The following AKT3 variants were observed in gnomAD, a reference collection of about 807,000 sequenced individuals.
AKT3 encodes the protein AKT serine/threonine kinase 3, also known as RAC-gamma serine/threonine-protein kinase.
In AKT3, 15 loss-of-function variants were observed where a neutral mutation model predicts 65.3. The ratio of observed to expected loss-of-function variants is 0.23; its 90% CI spans 0.15 to 0.35. AKT3 has a LOEUF of 0.35. AKT3 is among the 10% of genes least tolerant of loss of function. The pLI is 1.00. For synonymous variants in AKT3, 206 were observed against 183.8 expected (o/e 1.12, Z -0.98); for missense variants, 243 against 576.5 (o/e 0.42, Z 5.92).
intron 8 of AKT3, among the ~76,000 whole-genome samples, chr1:243,584,443 G>A (rs539159495): frequency 6.6e-6 from 1 of 152,036 alleles, no homozygotes; most frequent in African/African-American, 2.4e-5. Context: ...ATTTTACAAA[G>A]CCAGTAACAT....
At chr1:243,796,207 A>C (rs1272421956) in intron 2 of AKT3, among the ~76,000 whole-genome samples, 1 of 152,180 alleles carries the variant, frequency 6.6e-6, no homozygotes, top group African/African-American at 2.4e-5. Flanking sequence ...CCAGTCTCTG[A>C]TTTCTTTCTT....
chr1:243,698,338 TACAAA>T (rs1685188844), intron 2 of AKT3, among the ~76,000 whole-genome samples: 1 of 151,948 alleles, frequency 6.6e-6, no homozygotes, highest in South Asian at 2.1e-4. Flanking sequence ...ATTTGAAAAA[TACAAA>T]AGAAAACACG....
intron 3 of AKT3, among the ~76,000 whole-genome samples, chr1:243,671,345 G>A (rs371298523): frequency 1.3e-5 from 2 of 152,154 alleles, no homozygotes; most frequent in East Asian, 1.9e-4. Flanking sequence ...CTCCCAAAGC[G>A]CTGGGATTAC....
chr1:243,619,091 T>C (rs992853504), intron 6 of AKT3, among the ~76,000 whole-genome samples: 13 of 152,060 alleles, frequency 8.5e-5, no homozygotes, highest in Non-Finnish European at 1.9e-4. Context: ...TGACCACAAG[T>C]CTAGTTGAAA....
chr1:243,815,586 A>C (rs1357798991), intron 2 of AKT3, among the ~76,000 whole-genome samples: 2 of 151,836 alleles, frequency 1.3e-5, no homozygotes, highest in African/African-American at 4.8e-5. Flanking sequence ...ACAACAAAAC[A>C]AAACCACTCT....
chr1:243,724,323 A>G (rs1015896445), intron 2 of AKT3, among the ~76,000 whole-genome samples: 3 of 152,094 alleles, frequency 2.0e-5, no homozygotes, highest in Non-Finnish European at 4.4e-5. Flanking sequence ...TCTACTTTAC[A>G]TACTAACTAG....
chr1:243,720,763 CTT>C (rs1362199509), intron 2 of AKT3, among the ~76,000 whole-genome samples: 1 of 152,170 alleles, frequency 6.6e-6, no homozygotes, highest in Non-Finnish European at 1.5e-5. Context: ...GCAATAATCT[CTT>C]GTCCTTTTCC....
At position 243,850,082 on chromosome 1, in the gene AKT3, G is replaced by A. The variant is rs1695703030; in HGVS notation, c.-155C>T. 1.2e-6 allele frequency: 1 copy of A among 837,742 alleles called. No individual in the cohort carries two copies. 51.9% of individuals were successfully genotyped at this position (837,742 alleles called of 1,614,324 possible). A position where few individuals can be genotyped will look rare whatever the true frequency, so the allele number is the denominator to read the frequency against. On this transcript the variant is annotated 5_prime_UTR_variant, in exon 1 of 14. Transcript: ENST00000673466. ...GCGGTGGCGGCCCCGCAGCTGCTCG[G>A]GCGGCGGCGGAGGATGGAGCCGGGG... is the stretch of plus-strand genomic sequence containing the variant.
intron 6 of AKT3, among the ~76,000 whole-genome samples, chr1:243,632,099 A>C (rs1245458678): frequency 1.3e-5 from 2 of 152,206 alleles, no homozygotes; most frequent in African/African-American, 4.8e-5. Flanking sequence ...AATGTTTTTC[A>C]AGGCATCTAG....
At chr1:243,515,617 A>T (rs1389329485) in intron 12 of AKT3, among the ~76,000 whole-genome samples, 1 of 152,178 alleles carries the variant, frequency 6.6e-6, no homozygotes, top group African/African-American at 2.4e-5. Context: ...ATCTATTGTT[A>T]GATTTGATTT....
chr1:243,527,919 A>AC, intron 12 of AKT3, among the ~76,000 whole-genome samples: 1 of 99,304 alleles, frequency 1.0e-5, no homozygotes, highest in South Asian at 3.6e-4. Flanking sequence ...ACACACACAC[A>AC]CACACACACA....
rs536036496 is a variant in AKT3, at chr1:243,843,236, G to T, written c.-66C>A. The T allele has an allele frequency of 8.9e-6, 14 of 1,570,666 alleles. No individual in the cohort carries two copies. In the African/African-American group the frequency reaches 1.6e-4, roughly 18 times the overall value. On this transcript the variant is annotated 5_prime_UTR_variant, in exon 2 of 14. Transcript: ENST00000673466. ...TTTGTGATATCAGCTTTAGGGTTTG[G>T]ATTCTCTGCTGCTGCTGCCCTTCCC...
intron 1 of AKT3, among the ~76,000 whole-genome samples, chr1:243,845,588 C>CAAAAAAAAAAAAAAAAAAAAAAAAAAA (rs10648820): frequency 1.3e-5 from 1 of 79,370 alleles, no homozygotes; most frequent in African/African-American, 5.1e-5. Flanking sequence ...GAACCTGTCT[C>CAAAAAAAAAAAAAAAAAAAAAAAAAAA]AAAAAAAAAA....
downstream of AKT3, among the ~76,000 whole-genome samples, chr1:243,497,464 A>G (rs1473065226): frequency 6.6e-6 from 1 of 152,050 alleles, no homozygotes; most frequent in African/African-American, 2.4e-5. Flanking sequence ...GATCTGCCGC[A>G]GGAAGGAATC....
intron 2 of AKT3, among the ~76,000 whole-genome samples, chr1:243,744,922 G>A (rs1445051848): frequency 1.3e-5 from 2 of 151,404 alleles, no homozygotes; most frequent in Non-Finnish European, 2.9e-5. Flanking sequence ...ATGAGTCCTT[G>A]GCTCATTAAA....
chr1:243,743,686 T>C (rs1688303944), intron 2 of AKT3, among the ~76,000 whole-genome samples: 1 of 151,990 alleles, frequency 6.6e-6, no homozygotes, highest in Non-Finnish European at 1.5e-5. Context: ...TGAAAAAGAG[T>C]TCTACTTCAT....
chr1:243,782,312 G>C (rs1474080748), intron 2 of AKT3, among the ~76,000 whole-genome samples: 2 of 152,198 alleles, frequency 1.3e-5, no homozygotes, highest in South Asian at 4.1e-4. Context: ...AAAGTAGGGA[G>C]CTTATAAACA....
intron 12 of AKT3, among the ~76,000 whole-genome samples, chr1:243,535,972 T>C (rs942326486): frequency 1.3e-5 from 2 of 152,180 alleles, no homozygotes; most frequent in East Asian, 1.9e-4. Context: ...TCCTGATGAT[T>C]TGTGATGTTG....
intron 2 of AKT3, among the ~76,000 whole-genome samples, chr1:243,706,207 T>C (rs925950627): frequency 2.0e-5 from 3 of 152,094 alleles, no homozygotes; most frequent in African/African-American, 7.2e-5. Flanking sequence ...CTACCACCAT[T>C]TGAAATAAAG....
Sources: gnomAD v4.1 joint callset for allele counts (sites outside exome capture counted in the v4.1 genomes callset) on GRCh38, gnomAD v4.1.1 for gene constraint, MANE v1.5 for transcripts, NCBI Gene and HGNC (gene_info 2026-07-23, HGNC 2026-07-21) for gene names.